The following LATS2 variants were observed in gnomAD, a reference collection of about 807,000 sequenced individuals.
LATS2 encodes large tumor suppressor kinase 2, also known as serine/threonine-protein kinase LATS2.
LATS2 carries 24 observed loss-of-function variants against 76.0 expected under a neutral mutation model. The observed-to-expected ratio is 0.32, with a 90% CI of 0.23 to 0.44. The LOEUF is 0.44. Among genes scored for constraint, LATS2 ranks in the 20% least tolerant of loss-of-function variants. The probability of loss-of-function intolerance (pLI) is 1.00; values close to 1 mark genes in which losing one functional copy is unlikely to be tolerated. For synonymous variants in LATS2, 692 were observed against 635.4 expected, an observed-to-expected ratio of 1.09 and a Z score of -1.34; for missense variants, 1,286 against 1,481.2, an observed-to-expected ratio of 0.87 and a Z score of 2.16.
In LATS2 at chr13:20,989,150, C is replaced by G. The variant is rs1268600019; in HGVS notation, c.630G>C (p.Pro210=). 1.2e-6 allele frequency: 2 copies of G among 1,612,072 alleles called. No individual in the cohort carries two copies. The highest frequency in any genetic ancestry group is 1.7e-6 in the Non-Finnish European group (2 of 1,179,630). ...GPTALEEMPR[P]YVDYLFPGVG... ...CTCCGGGGAAAAGGTAGTCCACGTACGGCCGCGGCATCTCCTCCAGCGCCG... is the reference window on the plus strand; with the variant it reads ...CTCCGGGGAAAAGGTAGTCCACGTAGGGCCGCGGCATCTCCTCCAGCGCCG... Residue 210 remains proline (P), a synonymous_variant, in exon 4 of 8, where the codon CCG becomes CCC. Coordinates refer to ENST00000382592, the MANE Select transcript of LATS2 (RefSeq NM_014572.3).
At chr13:21,051,092 G>A (rs73445511) in intron 1 of LATS2, among the ~76,000 whole-genome samples, 3,695 of 152,320 alleles carry the variant, frequency 0.024, 132 homozygotes, top group African/African-American at 0.084. Flanking sequence ...CGTGTCAGGG[G>A]AGGTGAGTCT....
chr13:21,017,334 C>G (rs914957292), intron 2 of LATS2, among the ~76,000 whole-genome samples: 16 of 151,810 alleles, frequency 1.1e-4, no homozygotes, highest in African/African-American at 3.6e-4. Flanking sequence ...AATCCTTTTT[C>G]TTTTTTTTGT....
At chr13:20,983,953 CAG>C (rs1870027184) in intron 4 of LATS2, 147 bp from the exon 5 acceptor site, 10 of 652,144 alleles carry the variant, frequency 1.5e-5, no homozygotes, top group Non-Finnish European at 2.6e-5. Flanking sequence ...TCATATACTA[CAG>C]AGTCTCGCTC....
chr13:21,003,492 G>A (rs1174991839), intron 2 of LATS2, among the ~76,000 whole-genome samples: 1 of 150,978 alleles, frequency 6.6e-6, no homozygotes, highest in Non-Finnish European at 1.5e-5. Flanking sequence ...CCAGGCTGGA[G>A]TGCAGTGACA....
At chr13:21,034,466 C>T (rs1872628104) in intron 2 of LATS2, among the ~76,000 whole-genome samples, 3 of 152,162 alleles carry the variant, frequency 2.0e-5, no homozygotes, top group Admixed American at 6.5e-5. Context: ...GAGCCAGAGC[C>T]GGCACGTCCT....
Position 21,017,698 on chromosome 13 carries a change from T to G in LATS2, c.343-26294A>C, listed in dbSNP as rs573677662. Among the ~76,000 whole-genome samples the G allele has an allele frequency of 2.2e-4, 33 of 152,010 alleles. No homozygotes were observed. In the South Asian group the frequency reaches 3.7e-3, roughly 17 times the overall value. ...CTGGGGTTAGTGGCACCATCTCAGC[T>G]CACTGCAACCTCCGTCTCCGGGGTT... On this transcript the variant is annotated intron_variant, in intron 2 of 7. Coordinates refer to ENST00000382592, the MANE Select transcript of LATS2 (RefSeq NM_014572.3).
At chr13:20,989,406 G>C in intron 3 of LATS2, 102 bp from the exon 4 acceptor site, 1 of 1,268,318 alleles carries the variant, frequency 7.9e-7, no homozygotes, top group East Asian at 2.4e-5. Flanking sequence ...TCGGGGCTGA[G>C]GGTCTTGAAC....
chr13:21,039,788 T>C (rs1402442978), intron 2 of LATS2, among the ~76,000 whole-genome samples: 1 of 152,186 alleles, frequency 6.6e-6, no homozygotes, highest in Non-Finnish European at 1.5e-5. Flanking sequence ...AATAAATTTC[T>C]GAGGCCAGGC....
intron 1 of LATS2, among the ~76,000 whole-genome samples, chr13:21,057,103 G>A (rs978258026): frequency 6.6e-6 from 1 of 152,178 alleles, no homozygotes. Context: ...GAGGCAGGGA[G>A]GCTCACTATT....
At chr13:20,999,224 AAGCTCC>A (rs1347234731) in intron 2 of LATS2, among the ~76,000 whole-genome samples, 2 of 152,268 alleles carry the variant, frequency 1.3e-5, no homozygotes, top group Non-Finnish European at 2.9e-5. Context: ...GATGCAGCAG[AAGCTCC>A]AGCCCCAGCC....
At chr13:21,050,065 AG>A (rs1158447018) in intron 1 of LATS2, among the ~76,000 whole-genome samples, 1 of 151,384 alleles carries the variant, frequency 6.6e-6, no homozygotes, top group African/African-American at 2.4e-5. Flanking sequence ...GTTTGCAGTG[AG>A]CTGAGATTGT....
chr13:21,056,088 C>T (rs1222949370), intron 1 of LATS2, among the ~76,000 whole-genome samples: 2 of 152,310 alleles, frequency 1.3e-5, no homozygotes, highest in South Asian at 4.1e-4. Context: ...CATATGTGTA[C>T]TGAGCATTGT....
At chr13:21,029,198 A>G (rs1027997498) in intron 2 of LATS2, among the ~76,000 whole-genome samples, 2 of 152,216 alleles carry the variant, frequency 1.3e-5, no homozygotes, top group Non-Finnish European at 1.5e-5. Context: ...TGTTGATGTT[A>G]CCTGTGGATT....
chr13:21,053,461 G>C (rs963463051), intron 1 of LATS2, among the ~76,000 whole-genome samples: 2 of 151,892 alleles, frequency 1.3e-5, no homozygotes, highest in African/African-American at 2.4e-5. Flanking sequence ...ATCCTGTTTG[G>C]TTTACCCCCA....
chr13:21,052,389 C>T (rs559857800), intron 1 of LATS2, among the ~76,000 whole-genome samples: 1 of 152,214 alleles, frequency 6.6e-6, no homozygotes, highest in South Asian at 2.1e-4. Context: ...CTCACTCTGT[C>T]ACCTAGACTG....
intron 1 of LATS2, among the ~76,000 whole-genome samples, chr13:21,059,609 A>G (rs576062584): frequency 2.6e-4 from 39 of 149,626 alleles, no homozygotes; most frequent in Non-Finnish European, 2.2e-4. Context: ...AACAACAACA[A>G]CAACAACAAA....
Position 20,991,819 on chromosome 13 carries a change from C to G in LATS2, c.343-415G>C, listed in dbSNP as rs1408427114. 6.6e-6 allele frequency among the ~76,000 whole-genome samples: 1 copy of G among 152,200 alleles called. No homozygotes were observed. The highest frequency in any genetic ancestry group is 6.5e-5 in the Admixed American group (1 of 15,284). On this transcript the variant is annotated intron_variant, in intron 2 of 7. Coordinates refer to ENST00000382592, the MANE Select transcript of LATS2 (RefSeq NM_014572.3). The surrounding 1 kb of genome is among the most constrained non-coding windows in gnomAD (Gnocchi z 4.9). ...ACCTCAGCTCACCTCCAGGCTAACT[C>G]TGGGACTAGGAAACCTGTCCCCAGG... is the stretch of plus-strand genomic sequence containing the variant.
intron 2 of LATS2, among the ~76,000 whole-genome samples, chr13:21,013,042 G>GA (rs1455936636): frequency 1.3e-5 from 2 of 152,144 alleles, no homozygotes; most frequent in African/African-American, 4.8e-5. Flanking sequence ...CAGTGCTGAG[G>GA]AATACCAAGC....
intron 4 of LATS2, 42 bp downstream of exon 4, chr13:20,987,839 G>A: frequency 1.9e-6 from 3 of 1,588,344 alleles, no homozygotes; most frequent in Non-Finnish European, 2.6e-6. Flanking sequence ...CCAGTAGAGG[G>A]ATGAGCCGGG....
Sources: allele counts gnomAD v4.1 joint callset (sites outside exome capture counted in the v4.1 genomes callset), GRCh38; gene constraint gnomAD v4.1.1; non-coding constraint Gnocchi (gnomAD v3.1); transcripts MANE v1.5; gene names NCBI Gene and HGNC (gene_info 2026-07-23, HGNC 2026-07-21).